The following SLC5A10 variants were observed in gnomAD, a reference collection of about 807,000 sequenced individuals.
SLC5A10 encodes the protein solute carrier family 5 member 10.
In SLC5A10, 55 loss-of-function variants were observed where a neutral mutation model predicts 68.9. The ratio of observed to expected loss-of-function variants is 0.80; its 90% CI spans 0.64 to 1.00. The LOEUF is 1.00. Among genes scored for constraint, SLC5A10 ranks in the 50% least tolerant of loss-of-function variants. The pLI is 0.00. For synonymous variants in SLC5A10, 344 were observed against 344.8 expected, an observed-to-expected ratio of 1.00 and a Z score of 0.02; for missense variants, 732 against 819.3, an observed-to-expected ratio of 0.89 and a Z score of 1.30.
intron 9 of SLC5A10, among the ~76,000 whole-genome samples, chr17:18,982,699 A>G (rs1195797906): frequency 6.6e-6 from 1 of 152,182 alleles, no homozygotes; most frequent in African/African-American, 2.4e-5. Context: ...CCAGGCCTCC[A>G]GGCCACATGT....
intron 11 of SLC5A10, among the ~76,000 whole-genome samples, chr17:19,016,925 G>A (rs2044152516): frequency 6.6e-6 from 1 of 152,094 alleles, no homozygotes; most frequent in Non-Finnish European, 1.5e-5. Context: ...GTGTGACACT[G>A]GTAGCCCCTG....
chr17:18,971,381 G>A lies in SLC5A10; in HGVS notation c.846+163G>A. ...CTGCTAGGGGTCTTTGCGGTCCCGG[G>A]GGGCTTGAGCCCTCCGTTTAGAATC... is the stretch of plus-strand genomic sequence containing the variant. On this transcript the variant is annotated intron_variant, in intron 8 of 14. Coordinates refer to ENST00000395645, the MANE Select transcript of SLC5A10 (RefSeq NM_001042450.4). The surrounding 1 kb of genome is among the most constrained non-coding windows in gnomAD (Gnocchi z 5.5). 1 of 1,610,444 alleles carries A rather than the reference G, an allele frequency of 6.2e-7. No homozygotes were observed. The highest frequency in any genetic ancestry group is 8.5e-7 in the Non-Finnish European group (1 of 1,179,050).
intron 9 of SLC5A10, chr17:18,977,340 G>A (rs576528244): frequency 2.2e-5 from 13 of 583,880 alleles, no homozygotes; most frequent in South Asian, 1.1e-4. Flanking sequence ...GTGGGGAAAC[G>A]TGCATTTTCT....
At chr17:18,991,828 C>T (rs1453410543) in intron 9 of SLC5A10, among the ~76,000 whole-genome samples, 1 of 152,222 alleles carries the variant, frequency 6.6e-6, no homozygotes, top group Non-Finnish European at 1.5e-5. Context: ...GATGGACAGG[C>T]CTCTGCTGGG....
chr17:18,961,730 G>A (rs2042617167), intron 5 of SLC5A10, among the ~76,000 whole-genome samples: 1 of 152,088 alleles, frequency 6.6e-6, no homozygotes, highest in Admixed American at 6.5e-5. Context: ...GCCCTAAAGG[G>A]TCCATCCAGA....
chr17:18,979,093 G>C (rs1413416767), intron 9 of SLC5A10: 1 of 577,350 alleles, frequency 1.7e-6, no homozygotes, highest in Non-Finnish European at 3.1e-6. Flanking sequence ...TCTCAGGCTG[G>C]TACAGGATTC....
chr17:18,990,501 G>A (rs1039483527), intron 9 of SLC5A10, among the ~76,000 whole-genome samples: 2 of 152,212 alleles, frequency 1.3e-5, no homozygotes, highest in Non-Finnish European at 2.9e-5. Context: ...CTTCTCCCTG[G>A]AGGGCACCAG....
intron 5 of SLC5A10, among the ~76,000 whole-genome samples, chr17:18,961,934 G>A (rs768282308): frequency 1.6e-4 from 25 of 152,198 alleles, no homozygotes; most frequent in Non-Finnish European, 3.1e-4. Flanking sequence ...ACCCCGTACC[G>A]CAGTCTTCGC....
chr17:18,952,357 G>A, intron 1 of SLC5A10, 41 bp downstream of exon 1: 1 of 1,585,150 alleles, frequency 6.3e-7, no homozygotes, highest in East Asian at 2.3e-5. Context: ...TGGGCTCTCA[G>A]GGTTGGTGCT....
Position 18,959,300 on chromosome 17 carries a change from CT to C in SLC5A10, c.288+62del, listed in dbSNP as rs1368595789. ...CAGGGCACAGGATGTGGTCGCAGCA[CT>C]GGAGGGGGACAGCTCCCAGTGGCTG... On this transcript the variant is annotated intron_variant, in intron 3 of 14. Transcript: ENST00000395645. The C allele has an allele frequency of 2.6e-6, 4 of 1,540,386 alleles. No individual in the cohort carries two copies. In the Admixed American group the frequency reaches 5.0e-5, roughly 19 times the overall value.
chr17:18,993,954 C>G (rs2043497663), intron 9 of SLC5A10, among the ~76,000 whole-genome samples: 1 of 152,214 alleles, frequency 6.6e-6, no homozygotes, highest in Non-Finnish European at 1.5e-5. Flanking sequence ...TGCACGGACC[C>G]TCCTCGTCCT....
intron 7 of SLC5A10, 66 bp downstream of exon 7, chr17:18,969,488 G>GC (rs2151999921): frequency 6.9e-7 from 1 of 1,441,820 alleles, no homozygotes; most frequent in African/African-American, 1.4e-5. Flanking sequence ...GTCTGGCACT[G>GC]CCCGGCACTG....
At chr17:19,009,189 G>T (rs960357989) in intron 9 of SLC5A10, among the ~76,000 whole-genome samples, 3 of 151,618 alleles carry the variant, frequency 2.0e-5, no homozygotes, top group Admixed American at 6.6e-5. Flanking sequence ...TGTTGTTGTT[G>T]TTGTTTGTTT....
In SLC5A10 at chr17:18,955,234, T is replaced by C. The variant is rs181149838; in HGVS notation, c.111+2918T>C. ...CTTTGGTTCTCTCAGCCTCCATCCATGTGTAGCTCTGTCCTAAGCCCAGCT... is the reference window on the plus strand; with the variant it reads ...CTTTGGTTCTCTCAGCCTCCATCCACGTGTAGCTCTGTCCTAAGCCCAGCT... On this transcript the variant is annotated intron_variant, in intron 1 of 14. Transcript: ENST00000395645. Among the ~76,000 whole-genome samples, 185 of 152,274 alleles carry C rather than the reference T, an allele frequency of 1.2e-3. 1 individual carries two copies. The highest frequency in any genetic ancestry group is 0.01 in the Middle Eastern group (3 of 294).
Position 18,971,528 on chromosome 17 carries a change from C to T in SLC5A10, c.846+310C>T, listed in dbSNP as rs375064559. Reference sequence around the variant, plus strand: ...GGTGGCCCTGCCATCGGTCATGGGGCGGGCATTTTGGGCCAGTCTTGGGCT... The same window carrying T: ...GGTGGCCCTGCCATCGGTCATGGGGTGGGCATTTTGGGCCAGTCTTGGGCT... On this transcript the variant is annotated intron_variant, in intron 8 of 14. Coordinates refer to ENST00000395645, the MANE Select transcript of SLC5A10 (RefSeq NM_001042450.4). The surrounding 1 kb of genome is among the most constrained non-coding windows in gnomAD (Gnocchi z 5.5). 61 of 1,613,826 alleles carry T rather than the reference C, an allele frequency of 3.8e-5. No homozygotes were observed. Among genetic ancestry groups the T allele is most frequent in the African/African-American group, 2.8e-4 (21 of 74,904 alleles).
rs563012167 is a variant in SLC5A10 at position 18,959,791 on chromosome 17, G to A, written c.348+128G>A. ...ACTCTTAGGGCTGGGTTTGCTATTA[G>A]CCCGACTAATATTTCTATCAACCTG... is the stretch of plus-strand genomic sequence containing the variant. On this transcript the variant is annotated intron_variant, in intron 4 of 14. Coordinates refer to ENST00000395645, the MANE Select transcript of SLC5A10 (RefSeq NM_001042450.4). 7.5e-6 allele frequency: 6 copies of A among 799,224 alleles called. No homozygotes were observed. The South Asian group carries it at 8.7e-5, about 12-fold the overall frequency. 49.5% of individuals were successfully genotyped at this position (799,224 alleles called of 1,614,324 possible).
Position 19,004,112 on chromosome 17 carries a change from G to A in SLC5A10, c.983-9298G>A. On this transcript the variant is annotated intron_variant, in intron 9 of 14. Coordinates refer to ENST00000395645, the MANE Select transcript of SLC5A10 (RefSeq NM_001042450.4). This position sits in a 1 kb window ranked among gnomAD's most constrained non-coding sequence, Gnocchi z 5.4. ...TCCAGCTCCTAGCTCCGGCCCAGCT[G>A]GGGCACCGCGCGCTCGGGGGCCTCT... 1.4e-6 allele frequency: 2 copies of A among 1,458,448 alleles called. No individual in the cohort carries two copies. Among genetic ancestry groups the A allele is most frequent in the South Asian group, 1.4e-5 (1 of 73,486 alleles). 90.3% of individuals were successfully genotyped at this position (1,458,448 alleles called of 1,614,324 possible).
chr17:18,993,671 T>C (rs146279047), intron 9 of SLC5A10, among the ~76,000 whole-genome samples: 37 of 152,284 alleles, frequency 2.4e-4, no homozygotes, highest in African/African-American at 8.2e-4. Context: ...TCTCTGGGCC[T>C]CACTTTCCCA....
At chr17:19,007,003 T>A (rs1351336729) in intron 9 of SLC5A10, among the ~76,000 whole-genome samples, 1 of 152,220 alleles carries the variant, frequency 6.6e-6, no homozygotes, top group African/African-American at 2.4e-5. Context: ...TTCATACACA[T>A]ATGTATATAA....
Sources: gnomAD v4.1 joint callset for allele counts (sites outside exome capture counted in the v4.1 genomes callset) on GRCh38, gnomAD v4.1.1 for gene constraint, Gnocchi (gnomAD v3.1) non-coding constraint, MANE v1.5 for transcripts, NCBI Gene and HGNC (gene_info 2026-07-23, HGNC 2026-07-21) for gene names.